MRRF: variants seen among roughly 807,000 people sequenced by gnomAD.
The protein encoded by MRRF is mitochondrial ribosome recycling factor.
In MRRF, 18 loss-of-function variants were observed where a neutral mutation model predicts 25.1. That is an observed-to-expected ratio of 0.72 (90% CI 0.50 to 1.06). The LOEUF (loss-of-function observed/expected upper bound fraction) is 1.06. Among genes scored for constraint, MRRF ranks in the 50% least tolerant of loss-of-function variants. The probability of loss-of-function intolerance (pLI) is 0.00; values close to 1 mark genes in which losing one functional copy is unlikely to be tolerated. For missense variants in MRRF, 323 were observed against 319.3 expected (o/e 1.01, Z -0.09); for synonymous variants, 113 against 112.1 (o/e 1.01, Z -0.05).
rs931752075 is a variant in MRRF, at chr9:122,326,983, C to CT, written c.*4367dup. 4 of 152,236 alleles carry CT rather than the reference C, an allele frequency of 2.6e-5. No individual in the cohort carries two copies. The highest frequency in any genetic ancestry group is 4.4e-5 in the Non-Finnish European group (3 of 68,032). The allele number at this position is 152,236 out of a possible 1,614,324, so 9.4% of individuals were successfully genotyped here. A position where few individuals can be genotyped will look rare whatever the true frequency, so the allele number is the denominator to read the frequency against. On this transcript the variant is annotated 3_prime_UTR_variant, in exon 7 of 7. Coordinates refer to ENST00000344641, the MANE Select transcript of MRRF (RefSeq NM_138777.5). ...GTGTGCTTTGGTTCCCAAGTCTTCG[C>CT]TGAACACTTACTCAAAAGGGACCTC...
intron 3 of MRRF, among the ~76,000 whole-genome samples, chr9:122,283,759 G>T (rs1303636566): frequency 6.6e-6 from 1 of 152,152 alleles, no homozygotes; most frequent in African/African-American, 2.4e-5. Flanking sequence ...AGCCATCCTT[G>T]AGTGGTTCCT....
chr9:122,322,725 T>C lies in MRRF; in HGVS notation c.*108T>C. 2 of 978,094 alleles carry C rather than the reference T, an allele frequency of 2.0e-6. No individual in the cohort carries two copies. The highest frequency in any genetic ancestry group is 3.2e-6 in the Non-Finnish European group (2 of 620,840). The allele number at this position is 978,094 out of a possible 1,614,324, so 60.6% of individuals were successfully genotyped here. A position where few individuals can be genotyped will look rare whatever the true frequency, so the allele number is the denominator to read the frequency against. On this transcript the variant is annotated 3_prime_UTR_variant, in exon 7 of 7. Coordinates refer to ENST00000344641, the MANE Select transcript of MRRF (RefSeq NM_138777.5). ...CCATCTACACAGAAGACTGTCACCATGCTGACAGAAGCCTGTCCTTGTAAG... is the reference window on the plus strand; with the variant it reads ...CCATCTACACAGAAGACTGTCACCACGCTGACAGAAGCCTGTCCTTGTAAG...
intron 6 of MRRF, among the ~76,000 whole-genome samples, chr9:122,317,914 G>C (rs1177622250): frequency 6.6e-6 from 1 of 152,108 alleles, no homozygotes; most frequent in Non-Finnish European, 1.5e-5. Flanking sequence ...CAGGCAGGTA[G>C]TTCACAAAGT....
intron 5 of MRRF, among the ~76,000 whole-genome samples, chr9:122,305,053 G>A (rs760785139): frequency 3.7e-4 from 56 of 151,760 alleles, no homozygotes; most frequent in Admixed American, 7.2e-4. Context: ...AGGATCTTCC[G>A]GCCTCAGCCT....
At position 122,311,451 on chromosome 9, in the gene MRRF, T is replaced by C. The variant is rs138959728; in HGVS notation, c.552-1776T>C. 5.4e-4 allele frequency among the ~76,000 whole-genome samples: 82 copies of C among 152,362 alleles called. No homozygotes were observed. In the East Asian group the frequency reaches 0.015, roughly 28 times the overall value. The stretch of plus-strand genomic sequence containing the variant: ...AAATATTTTTGACAATGTCAGTGAT[T>C]GGACACGATTACATGTGGAAACTGG... On this transcript the variant is annotated intron_variant, in intron 5 of 6. Coordinates refer to ENST00000344641, the MANE Select transcript of MRRF (RefSeq NM_138777.5).
chr9:122,311,696 T>C (rs540979885), intron 5 of MRRF, among the ~76,000 whole-genome samples: 4 of 152,350 alleles, frequency 2.6e-5, no homozygotes, highest in Non-Finnish European at 5.9e-5. Flanking sequence ...ATTTTTTTTC[T>C]TTGATTAAGC....
intron 4 of MRRF, 82 bp downstream of exon 4, chr9:122,285,369 T>C: frequency 1.1e-6 from 1 of 870,734 alleles, no homozygotes; most frequent in South Asian, 1.3e-5. Flanking sequence ...GAAGTGTTCC[T>C]TCAGCTTAGG....
At chr9:122,297,849 C>G (rs1834190867) in intron 5 of MRRF, among the ~76,000 whole-genome samples, 1 of 152,194 alleles carries the variant, frequency 6.6e-6, no homozygotes, top group Non-Finnish European at 1.5e-5. Flanking sequence ...CAAGTGACCC[C>G]TCTGTTGGTA....
At chr9:122,311,314 T>C (rs370137667) in intron 5 of MRRF, among the ~76,000 whole-genome samples, 7 of 152,320 alleles carry the variant, frequency 4.6e-5, no homozygotes, top group African/African-American at 1.7e-4. Context: ...CAGCCCTCCC[T>C]GTGTCCAGCA....
intron 6 of MRRF, among the ~76,000 whole-genome samples, chr9:122,320,939 A>C (rs866436407): frequency 1.3e-5 from 2 of 152,346 alleles, no homozygotes; most frequent in Middle Eastern, 3.4e-3. Context: ...AGACTGTGGC[A>C]GCTACTAAAC....
chr9:122,270,957 T>C lies in MRRF; in HGVS notation c.66T>C (p.Ser22=), dbSNP rs761450771. The change falls in exon 2 of 7, where the codon TCT becomes TCC. Residue 22 remains serine, a synonymous_variant. Coordinates refer to ENST00000344641, the MANE Select transcript of MRRF (RefSeq NM_138777.5). ...HPTFRNYLAA[S]IRPVSEVTLK... ...CCTTTCGCAATTATCTTGCAGCCTC[T>C]ATCAGACCCGTTTCAGAAGTTACAC... 4.3e-6 allele frequency: 7 copies of C among 1,614,086 alleles called. No individual in the cohort carries two copies. The East Asian group carries it at 1.3e-4, about 31-fold the overall frequency.
rs574634157 is a variant in MRRF at position 122,313,792 on chromosome 9, C to T, written c.711+406C>T. On this transcript the variant is annotated intron_variant, in intron 6 of 6. Transcript: ENST00000344641. ...GCTAATGCTCTCCTGTCTGGTTTTC[C>T]GGTTGCTGAGAATTGAGCACTTAGT... Among the ~76,000 whole-genome samples, 221 of 152,194 alleles carry T rather than the reference C, an allele frequency of 1.5e-3. 1 individual carries two copies. The highest frequency in any genetic ancestry group is 5.1e-3 in the African/African-American group (210 of 41,508).
intron 5 of MRRF, among the ~76,000 whole-genome samples, chr9:122,310,702 C>T (rs536620280): frequency 1.6e-4 from 24 of 152,342 alleles, no homozygotes; most frequent in Middle Eastern, 3.4e-3. Flanking sequence ...GGCCCAAGAA[C>T]TGGCACAGAG....
At chr9:122,290,992 C>T (rs541361719) in intron 4 of MRRF, among the ~76,000 whole-genome samples, 1 of 152,298 alleles carries the variant, frequency 6.6e-6, no homozygotes, top group South Asian at 2.1e-4. Flanking sequence ...ATAATATGTT[C>T]ATATAACTGC....
intron 5 of MRRF, among the ~76,000 whole-genome samples, chr9:122,308,739 C>G (rs977745341): frequency 6.7e-6 from 1 of 149,478 alleles, no homozygotes; most frequent in Non-Finnish European, 1.5e-5. Context: ...GTCATGCTGT[C>G]TCATCCAGGC....
chr9:122,273,045 A>G (rs776593078), intron 2 of MRRF, among the ~76,000 whole-genome samples: 3 of 152,152 alleles, frequency 2.0e-5, no homozygotes, highest in Non-Finnish European at 4.4e-5. Flanking sequence ...CATAAAGTCC[A>G]ATTTACTGGT....
At chr9:122,292,195 G>T (rs935373124) in intron 5 of MRRF, among the ~76,000 whole-genome samples, 1 of 152,160 alleles carries the variant, frequency 6.6e-6, no homozygotes, top group African/African-American at 2.4e-5. Flanking sequence ...GATGATGGTG[G>T]CAGGGGCACC....
At chr9:122,284,433 G>GT (rs1252680879) in intron 3 of MRRF, among the ~76,000 whole-genome samples, 1 of 152,214 alleles carries the variant, frequency 6.6e-6, no homozygotes, top group African/African-American at 2.4e-5. Flanking sequence ...AAAAGGGATA[G>GT]TAAGAGGTAC....
At chr9:122,319,510 C>G (rs1835746382) in intron 6 of MRRF, among the ~76,000 whole-genome samples, 1 of 152,094 alleles carries the variant, frequency 6.6e-6, no homozygotes, top group Non-Finnish European at 1.5e-5. Flanking sequence ...GGGATAATAC[C>G]TATTCTACCT....
Sources: gnomAD v4.1 joint callset for allele counts (sites outside exome capture counted in the v4.1 genomes callset) on GRCh38, gnomAD v4.1.1 for gene constraint, MANE v1.5 for transcripts, NCBI Gene and HGNC (gene_info 2026-07-23, HGNC 2026-07-21) for gene names.